The following SLC23A3 variants were observed in gnomAD, a reference collection of about 807,000 sequenced individuals.
SLC23A3 encodes E2-binding protein 3.
SLC23A3 carries 41 observed loss-of-function variants against 64.7 expected under a neutral mutation model. The ratio of observed to expected loss-of-function variants is 0.63; its 90% CI spans 0.49 to 0.82. The LOEUF (loss-of-function observed/expected upper bound fraction) is 0.82. Ranked by LOEUF, SLC23A3 falls within the 40% of genes least tolerant of loss-of-function variation. The probability of loss-of-function intolerance (pLI) is 0.00; values close to 1 mark genes in which losing one functional copy is unlikely to be tolerated. For missense variants in SLC23A3, 647 were observed against 733.4 expected, an observed-to-expected ratio of 0.88 and a Z score of 1.36; for synonymous variants, 281 against 306.8, an observed-to-expected ratio of 0.92 and a Z score of 0.88.
At chr2:219,168,160 C>T (rs1330624660) in intron 6 of SLC23A3, 35 bp downstream of exon 6, 1 of 1,609,842 alleles carries the variant, frequency 6.2e-7, no homozygotes, top group African/African-American at 1.3e-5. Context: ...GCCAGCCCTT[C>T]TGACCTCTAC....
Position 219,168,022 on chromosome 2 carries a change from A to C in SLC23A3, c.821T>G (p.Val274Gly), listed in dbSNP as rs1279672883. ...LLSVLIPVAC[V>G]WIVSAFVGFS... ...TCCCACAAAGGCAGAAACAATCCAC[A>C]CACAGGCCACTGGGATCAGCACCTG... Residue 274 changes from valine to glycine, a missense_variant, in exon 7 of 12, where the codon GTG becomes GGG. Val to Gly is a moderately radical substitution (Grantham distance 109). Transcript: ENST00000409878. 6.3e-7 allele frequency: 1 copy of C among 1,588,444 alleles called. No homozygotes were observed. The highest frequency in any genetic ancestry group is 8.5e-7 in the Non-Finnish European group (1 of 1,171,824).
In SLC23A3 at chr2:219,169,424, C is replaced by G. The variant is rs1281481827; in HGVS notation, c.321-18G>C. The G allele has an allele frequency of 1.2e-6, 2 of 1,614,126 alleles. No homozygotes were observed. The highest frequency in any genetic ancestry group is 2.2e-5 in the South Asian group (2 of 91,074). On this transcript the variant is annotated intron_variant, in intron 2 of 11. Transcript: ENST00000409878. The surrounding 1 kb of genome is among the most constrained non-coding windows in gnomAD (Gnocchi z 4.5). ...GAGGCAGCCTGTAGGAACAGCAGCCCCAGCAGGTCTGGGACTATGTGGCAG... is the reference window on the plus strand; with the variant it reads ...GAGGCAGCCTGTAGGAACAGCAGCCGCAGCAGGTCTGGGACTATGTGGCAG...
chr2:219,164,177 C>T lies in SLC23A3; in HGVS notation c.1273+56G>A, dbSNP rs1000653064. 9.8e-6 allele frequency: 12 copies of T among 1,219,680 alleles called. No individual in the cohort carries two copies. In the Admixed American group the frequency reaches 9.9e-5, roughly 10 times the overall value. 75.6% of individuals were successfully genotyped at this position (1,219,680 alleles called of 1,614,324 possible). On this transcript the variant is annotated intron_variant, in intron 9 of 11. Transcript: ENST00000409878. ...AAGGGTGCCATCCTAAAGAACTGAT[C>T]AGGCCACACTGGGGAGTAGCAGTTC...
chr2:219,162,062 G>A lies in SLC23A3; in HGVS notation c.1680C>T (p.Ile560=). Residue 560 remains isoleucine, a synonymous_variant, in exon 12 of 12, where the codon ATC becomes ATT. Coordinates refer to ENST00000409878, the MANE Select transcript of SLC23A3 (RefSeq NM_001144889.2). ...GGCAGAGGCAGTGGAGAGGCTGGGG[G>A]ATGCAGGGACAGAGGTTTTGGATGG... ...PFPIQNLCPC[I]PQPLHCLCPL... 1 of 1,614,198 alleles carries A rather than the reference G, an allele frequency of 6.2e-7. No homozygotes were observed. Among genetic ancestry groups the A allele is most frequent in the South Asian group, 1.1e-5 (1 of 91,076 alleles).
intron 7 of SLC23A3, 36 bp from the exon 8 acceptor site, chr2:219,165,458 T>G (rs1317266009): frequency 3.3e-6 from 5 of 1,533,638 alleles, no homozygotes; most frequent in Non-Finnish European, 4.4e-6. Context: ...GGGGCCAGAC[T>G]CAAGTCAGGA....
In SLC23A3 at chr2:219,169,696, G is replaced by C; in HGVS notation, c.163-18C>G. ...AAGACATGCTGCAGGTGGAGGAATG[G>C]GGAGGGCAGTCTTCAGAGAAGTGGA... On this transcript the variant is annotated intron_variant, in intron 1 of 11. Coordinates refer to ENST00000409878, the MANE Select transcript of SLC23A3 (RefSeq NM_001144889.2). This position sits in a 1 kb window ranked among gnomAD's most constrained non-coding sequence, Gnocchi z 4.5. 6.2e-7 allele frequency: 1 copy of C among 1,613,832 alleles called. No homozygotes were observed.
At chr2:219,165,042 C>T (rs1470244691) in intron 8 of SLC23A3, 127 bp downstream of exon 8, 4 of 1,278,214 alleles carry the variant, frequency 3.1e-6, no homozygotes, top group East Asian at 5.2e-5. Context: ...TAATCTTAGG[C>T]ACCTCCCCAA....
chr2:219,164,353 G>A lies in SLC23A3; in HGVS notation c.1168-15C>T. 1 of 1,553,336 alleles carries A rather than the reference G, an allele frequency of 6.4e-7. No individual in the cohort carries two copies. The highest frequency in any genetic ancestry group is 8.8e-7 in the Non-Finnish European group (1 of 1,141,360). ...TGAGATCCAGCCTGCATGAAGAAAA[G>A]ACACTGGAAAACACAGCCACTTCCT... On this transcript the variant is annotated splice_polypyrimidine_tract_variant and intron_variant, in intron 8 of 11. Transcript: ENST00000409878.
chr2:219,169,406 C>T lies in SLC23A3; in HGVS notation c.321G>A (p.Arg107=), dbSNP rs1574762908. ...AGGATGGAGCCTGGACAAGAGGCAG[C>T]CTGTAGGAACAGCAGCCCCAGCAGG... The part of the protein sequence containing the change: ...STILQTWMGS[R]LPLVQAPSLE... Residue 107 remains arginine (R), a splice_region_variant and synonymous_variant, in exon 3 of 12, where the codon AGG becomes AGA. Transcript: ENST00000409878. The surrounding 1 kb of genome is among the most constrained non-coding windows in gnomAD (Gnocchi z 4.5). 2.5e-6 allele frequency: 4 copies of T among 1,614,168 alleles called. No homozygotes were observed. The highest frequency in any genetic ancestry group is 2.7e-5 in the African/African-American group (2 of 75,050).
chr2:219,169,786 A>G lies in SLC23A3; in HGVS notation c.162+37T>C, dbSNP rs759057758. ...CTACACCTACTTCCCCACACACACC[A>G]TCAGGCAGCACCAACTCCTGCACCT... On this transcript the variant is annotated intron_variant, in intron 1 of 11. Transcript: ENST00000409878. This position sits in a 1 kb window ranked among gnomAD's most constrained non-coding sequence, Gnocchi z 4.5. 1.4e-5 allele frequency: 23 copies of G among 1,604,558 alleles called. No homozygotes were observed. Among genetic ancestry groups the G allele is most frequent in the Admixed American group, 3.4e-5 (2 of 58,652 alleles).
Position 219,162,301 on chromosome 2 carries a change from G to A in SLC23A3, c.1535C>T (p.Pro512Leu). The A allele has an allele frequency of 6.2e-7, 1 of 1,614,126 alleles. No homozygotes were observed. Residue 512 changes from proline (P) to leucine (L), a missense_variant and splice_region_variant, in exon 11 of 12, where the codon CCT becomes CTT. Transcript: ENST00000409878. Reference protein sequence around the residue: ...LSGFLLENTIPGTQLERGLGQ... With the variant: ...LSGFLLENTILGTQLERGLGQ... ...GCTAGGGCCTAGCCTCAACTTACCA[G>A]GAATCGTGTTCTCTAGTAGGAAGCC... is the stretch of plus-strand genomic sequence containing the variant.
At chr2:219,168,927 C>A (rs183892028) in intron 4 of SLC23A3, 94 bp from the exon 5 acceptor site, 16 of 1,553,492 alleles carry the variant, frequency 1.0e-5, no homozygotes, top group African/African-American at 2.7e-5. Context: ...GGGTTCCTCC[C>A]AAAACTCCTT....
rs554475020 is a variant in SLC23A3, at chr2:219,167,053, T to C, written c.913+877A>G. 8.5e-5 allele frequency among the ~76,000 whole-genome samples: 13 copies of C among 152,340 alleles called. No individual in the cohort carries two copies. In the East Asian group the frequency reaches 2.5e-3, roughly 29 times the overall value. ...AGTCAACAGATCCTTATTAAATTAA[T>C]GAACAACCAGCCTGGACAACATGGC... On this transcript the variant is annotated intron_variant, in intron 7 of 11. Transcript: ENST00000409878.
At position 219,168,364 on chromosome 2, in the gene SLC23A3, AGGGATGGGAAAGGAGGT is replaced by A. The variant is rs758233922; in HGVS notation, c.675-63_675-47del. On this transcript the variant is annotated intron_variant, in intron 5 of 11. Transcript: ENST00000409878. Reference sequence around the variant, plus strand: ...GGAGCAAGAGGCAGTGGGTATCCTGAGGGATGGGAAAGGAGGTGGGAGTGGGCAGAATATCATAAGAG... The same window carrying A: ...GGAGCAAGAGGCAGTGGGTATCCTGAGGGAGTGGGCAGAATATCATAAGAG... The A allele has an allele frequency of 8.5e-6, 13 of 1,523,880 alleles. No homozygotes were observed. The African/African-American group carries it at 1.7e-4, about 20-fold the overall frequency. The allele number at this position is 1,523,880 out of a possible 1,614,324, so 94.4% of individuals were successfully genotyped here. A position where few individuals can be genotyped will look rare whatever the true frequency, so the allele number is the denominator to read the frequency against.
At position 219,161,741 on chromosome 2, in the gene SLC23A3, TAAGAC is replaced by T; in HGVS notation, c.*163_*167del. 3 of 600,266 alleles carry T rather than the reference TAAGAC, an allele frequency of 5.0e-6. No homozygotes were observed. The highest frequency in any genetic ancestry group is 8.3e-6 in the Non-Finnish European group (3 of 363,430). The allele number at this position is 600,266 out of a possible 1,614,324, so 37.2% of individuals were successfully genotyped here. ...CTGCTCTGGAACAGTTAGGCCTAAT[TAAGAC>T]AAGGAAAGGCAACCCACCCTATTGG... On this transcript the variant is annotated 3_prime_UTR_variant, in exon 12 of 12. Transcript: ENST00000409878.
intron 5 of SLC23A3, 88 bp downstream of exon 5, chr2:219,168,564 A>G (rs1950027173): frequency 7.5e-7 from 1 of 1,336,076 alleles, no homozygotes; most frequent in Middle Eastern, 2.5e-4. Context: ...TCGCTGCTGA[A>G]TCTGATAGGA....
At position 219,169,749 on chromosome 2, in the gene SLC23A3, C is replaced by T. The variant is rs576407470; in HGVS notation, c.163-71G>A. 112 of 1,611,068 alleles carry T rather than the reference C, an allele frequency of 7.0e-5. No homozygotes were observed. The highest frequency in any genetic ancestry group is 2.5e-4 in the Admixed American group (15 of 59,388). On this transcript the variant is annotated intron_variant, in intron 1 of 11. Coordinates refer to ENST00000409878, the MANE Select transcript of SLC23A3 (RefSeq NM_001144889.2). This position sits in a 1 kb window ranked among gnomAD's most constrained non-coding sequence, Gnocchi z 4.5. Reference sequence around the variant, plus strand: ...TACCTACAATACTTCCAGAGGCTTTCACATGCCACATCTACACCTACTTCC... The same window carrying T: ...TACCTACAATACTTCCAGAGGCTTTTACATGCCACATCTACACCTACTTCC...
intron 10 of SLC23A3, 79 bp downstream of exon 10, chr2:219,163,309 G>A (rs1949968107): frequency 7.1e-7 from 1 of 1,401,898 alleles, no homozygotes; most frequent in Non-Finnish European, 9.9e-7. Flanking sequence ...AGAGAAGGCT[G>A]TGGGGCCAGG....
In SLC23A3 at chr2:219,162,280, G is replaced by C. The variant is rs1382648968; in HGVS notation, c.1537+19C>G. On this transcript the variant is annotated intron_variant, in intron 11 of 11. Coordinates refer to ENST00000409878, the MANE Select transcript of SLC23A3 (RefSeq NM_001144889.2). ...TTCCTGGCCACTCCCCAGTCTGCTA[G>C]GGCCTAGCCTCAACTTACCAGGAAT... is the stretch of plus-strand genomic sequence containing the variant. 6.2e-7 allele frequency: 1 copy of C among 1,613,984 alleles called. No individual in the cohort carries two copies. The highest frequency in any genetic ancestry group is 1.7e-5 in the Admixed American group (1 of 60,014).
Sources: allele counts gnomAD v4.1 joint callset (sites outside exome capture counted in the v4.1 genomes callset), GRCh38; gene constraint gnomAD v4.1.1; non-coding constraint Gnocchi (gnomAD v3.1); transcripts MANE v1.5; gene names NCBI Gene and HGNC (gene_info 2026-07-23, HGNC 2026-07-21).